Variants in MAST2 observed in about 807,000 individuals in gnomAD.
MAST2 encodes microtubule associated serine/threonine kinase 2.
Under a neutral mutation model 147.4 loss-of-function variants are expected in MAST2, and 70 were observed. The observed-to-expected ratio is 0.47, with a 90% CI of 0.39 to 0.58. The LOEUF (loss-of-function observed/expected upper bound fraction) is 0.58. Ranked by LOEUF, MAST2 falls within the 20% of genes least tolerant of loss-of-function variation. The probability of loss-of-function intolerance (pLI) is 0.00; values close to 1 mark genes in which losing one functional copy is unlikely to be tolerated. For synonymous variants in MAST2, 869 were observed against 896.8 expected (o/e 0.97, Z 0.55); for missense variants, 2,080 against 2,302.3 (o/e 0.90, Z 1.98).
intron 3 of MAST2, among the ~76,000 whole-genome samples, chr1:45,881,101 T>C (rs1366492494): frequency 6.6e-6 from 1 of 152,214 alleles, no homozygotes; most frequent in Admixed American, 6.5e-5. Context: ...CAATTTGGAA[T>C]ATCCAGTACT....
intron 4 of MAST2, among the ~76,000 whole-genome samples, chr1:45,948,919 G>A (rs1267719026): frequency 1.3e-5 from 2 of 151,730 alleles, no homozygotes; most frequent in Non-Finnish European, 2.9e-5. Flanking sequence ...TTTTAAAATC[G>A]TAGGCCACAC....
At chr1:45,925,592 G>C (rs960929159) in intron 4 of MAST2, among the ~76,000 whole-genome samples, 1 of 152,172 alleles carries the variant, frequency 6.6e-6, no homozygotes, top group Non-Finnish European at 1.5e-5. Flanking sequence ...GGAGAGAGAA[G>C]TTTGATGTTA....
chr1:45,936,947 TGTC>T (rs946903048), intron 4 of MAST2, among the ~76,000 whole-genome samples: 15 of 152,132 alleles, frequency 9.9e-5, no homozygotes, highest in African/African-American at 3.4e-4. Context: ...CTCTCTTTGT[TGTC>T]CAGGCTGGCC....
intron 3 of MAST2, among the ~76,000 whole-genome samples, chr1:45,851,755 T>A (rs1645629876): frequency 6.6e-6 from 1 of 151,798 alleles, no homozygotes; most frequent in Non-Finnish European, 1.5e-5. Flanking sequence ...ATAGAAAAAA[T>A]TTTCAGCCCT....
rs1300696081 is a variant in MAST2 at position 46,030,601 on chromosome 1, C to T, written c.2554-6C>T. On this transcript the variant is annotated splice_polypyrimidine_tract_variant and splice_region_variant and intron_variant, in intron 21 of 28. Transcript: ENST00000361297. ...CCCATCCCCAGCGCATCCCCTGTGC[C>T]CACAGGTGTACAGCAGCATGGAGCG... is the stretch of plus-strand genomic sequence containing the variant. 1.2e-6 allele frequency: 2 copies of T among 1,603,754 alleles called. No individual in the cohort carries two copies. Among genetic ancestry groups the T allele is most frequent in the East Asian group, 2.2e-5 (1 of 44,672 alleles).
chr1:45,957,122 C>T (rs1659766489), intron 4 of MAST2, among the ~76,000 whole-genome samples: 1 of 152,162 alleles, frequency 6.6e-6, no homozygotes, highest in Admixed American at 6.5e-5. Flanking sequence ...TGATTGAATA[C>T]ACCTGAGAGG....
At chr1:45,843,192 A>T (rs1284820826) in intron 3 of MAST2, among the ~76,000 whole-genome samples, 2 of 152,024 alleles carry the variant, frequency 1.3e-5, no homozygotes, top group Non-Finnish European at 2.9e-5. Flanking sequence ...CCTTAGTTAT[A>T]TGATTTCCAA....
intron 4 of MAST2, among the ~76,000 whole-genome samples, chr1:45,886,338 A>G (rs1647086872): frequency 6.6e-6 from 1 of 150,746 alleles, no homozygotes; most frequent in Non-Finnish European, 1.5e-5. Flanking sequence ...ACACACACAC[A>G]CACACACACA....
intron 4 of MAST2, among the ~76,000 whole-genome samples, chr1:45,934,719 G>C (rs1365116718): frequency 6.6e-6 from 1 of 152,156 alleles, no homozygotes; most frequent in Non-Finnish European, 1.5e-5. Flanking sequence ...AACTGTGCCC[G>C]GCCAATTTCA....
chr1:46,022,408 A>G (rs1162683857), intron 12 of MAST2, among the ~76,000 whole-genome samples: 2 of 152,052 alleles, frequency 1.3e-5, no homozygotes, highest in Non-Finnish European at 2.9e-5. Context: ...ACTTGCCTCT[A>G]CTCTTGGCCA....
chr1:46,023,652 A>G lies in MAST2; in HGVS notation c.1572-120A>G, dbSNP rs550875559. ...TCCCAGACCCTTCTCACTGATATGC[A>G]TGCCCTTGCCCCCTTGTTCTGTGCA... is the stretch of plus-strand genomic sequence containing the variant. On this transcript the variant is annotated intron_variant, in intron 14 of 28. Coordinates refer to ENST00000361297, the MANE Select transcript of MAST2 (RefSeq NM_015112.3). The surrounding 1 kb of genome is among the most constrained non-coding windows in gnomAD (Gnocchi z 4.9). 1.3e-5 allele frequency: 11 copies of G among 874,964 alleles called. No homozygotes were observed. In the African/African-American group the frequency reaches 1.8e-4, roughly 15 times the overall value. The allele number at this position is 874,964 out of a possible 1,614,324, so 54.2% of individuals were successfully genotyped here.
intron 3 of MAST2, among the ~76,000 whole-genome samples, chr1:45,852,881 C>A (rs533734064): frequency 6.6e-6 from 1 of 151,946 alleles, no homozygotes; most frequent in East Asian, 1.9e-4. Flanking sequence ...TTTTTTGAAT[C>A]TGCACCACTG....
At chr1:45,871,743 T>G (rs1308999699) in intron 3 of MAST2, among the ~76,000 whole-genome samples, 1 of 152,236 alleles carries the variant, frequency 6.6e-6, no homozygotes, top group Non-Finnish European at 1.5e-5. Flanking sequence ...GGTATTGTCA[T>G]CAGCAGTGGA....
chr1:45,987,136 AAATT>A (rs1180657396), intron 5 of MAST2, among the ~76,000 whole-genome samples: 1 of 152,224 alleles, frequency 6.6e-6, no homozygotes, highest in Non-Finnish European at 1.5e-5. Flanking sequence ...CTAAGTTGTC[AAATT>A]AATTAACATA....
chr1:45,866,281 A>G (rs1226897968), intron 3 of MAST2, among the ~76,000 whole-genome samples: 7 of 152,116 alleles, frequency 4.6e-5, no homozygotes, highest in Non-Finnish European at 8.8e-5. Flanking sequence ...CATAAACTCC[A>G]GCGCCTTATA....
chr1:45,810,466 C>T (rs375592831), intron 1 of MAST2, among the ~76,000 whole-genome samples: 1 of 152,082 alleles, frequency 6.6e-6, no homozygotes, highest in East Asian at 1.9e-4. Flanking sequence ...GGTGTAAATG[C>T]TAGGTTAGAG....
intron 4 of MAST2, among the ~76,000 whole-genome samples, chr1:45,915,408 A>C (rs1185086080): frequency 1.3e-5 from 2 of 152,218 alleles, no homozygotes; most frequent in Admixed American, 1.3e-4. Context: ...AATTAGGGGC[A>C]AAAAGAAAAT....
At chr1:45,940,560 GGGCATACAAACAGAGTAGAGTA>G (rs1471102342) in intron 4 of MAST2, among the ~76,000 whole-genome samples, 6 of 151,540 alleles carry the variant, frequency 4.0e-5, no homozygotes, top group Non-Finnish European at 7.4e-5. Context: ...ATGTAATTTC[GGGCATACAAACAGAGTAGAGTA>G]GTCTTCAGTG....
At chr1:45,864,938 T>A (rs1368834892) in intron 3 of MAST2, among the ~76,000 whole-genome samples, 1 of 152,234 alleles carries the variant, frequency 6.6e-6, no homozygotes, top group African/African-American at 2.4e-5. Flanking sequence ...GATTCTGATA[T>A]GAGGCAGTGA....
Sources: gnomAD v4.1 joint callset for allele counts (sites outside exome capture counted in the v4.1 genomes callset) on GRCh38, gnomAD v4.1.1 for gene constraint, Gnocchi (gnomAD v3.1) non-coding constraint, MANE v1.5 for transcripts, NCBI Gene and HGNC (gene_info 2026-07-23, HGNC 2026-07-21) for gene names.